The following TEX11 variants were observed in gnomAD, a reference collection of about 807,000 sequenced individuals.
TEX11 encodes testis expressed 11.
In TEX11, 7 loss-of-function variants were observed where a neutral mutation model predicts 84.4. The ratio of observed to expected loss-of-function variants is 0.08; its 90% CI spans 0.05 to 0.16. The LOEUF is 0.16. Among genes scored for constraint, TEX11 ranks in the 10% least tolerant of loss-of-function variants. The pLI is 1.00. For synonymous variants in TEX11, 264 were observed against 222.8 expected, an observed-to-expected ratio of 1.18 and a Z score of -1.64; for missense variants, 551 against 660.5, an observed-to-expected ratio of 0.83 and a Z score of 1.82.
chrX:70,795,818 A>T (rs939562044), intron 9 of TEX11, among the ~76,000 whole-genome samples: 1 of 111,524 alleles, frequency 9.0e-6, no homozygotes, highest in African/African-American at 3.3e-5. Context: ...GGCTGCTGTG[A>T]CCAAAAACAT....
chrX:70,724,635 A>G (rs2090585674), intron 12 of TEX11, among the ~76,000 whole-genome samples: 1 of 111,456 alleles, frequency 9.0e-6, no homozygotes, highest in Non-Finnish European at 1.9e-5. Context: ...GCATCTATAT[A>G]GTAGTAATAA....
chrX:70,732,091 C>T (rs770857712), intron 11 of TEX11, among the ~76,000 whole-genome samples: 140 of 111,553 alleles, frequency 1.3e-3, no homozygotes, highest in South Asian at 3.4e-3. Context: ...AGGCCTTTGA[C>T]AAAATTCAAC....
chrX:70,800,685 T>C (rs1238978224), intron 9 of TEX11, among the ~76,000 whole-genome samples: 2 of 67,875 alleles, frequency 2.9e-5, no homozygotes, highest in Non-Finnish European at 5.2e-5. Flanking sequence ...CTATTTCATG[T>C]GCTTTTTTTT....
chrX:70,589,976 G>T (rs1370987672), intron 25 of TEX11, among the ~76,000 whole-genome samples: 1 of 112,079 alleles, frequency 8.9e-6, no homozygotes, highest in African/African-American at 3.2e-5. Flanking sequence ...TCAAAAGAAT[G>T]ATTCCAATGT....
At chrX:70,523,403 G>A in the TEX11 span, among the ~76,000 whole-genome samples, 4 of 111,627 alleles carry the variant, frequency 3.6e-5, no homozygotes, top group Non-Finnish European at 7.5e-5. Flanking sequence ...TCGCTAAACT[G>A]GTGTTTGTAA....
chrX:70,620,907 G>A (rs1323098434), intron 20 of TEX11, among the ~76,000 whole-genome samples: 1 of 111,677 alleles, frequency 9.0e-6, no homozygotes, highest in African/African-American at 3.3e-5. Context: ...GACAGTAAGG[G>A]GTTGATGAAG....
At chrX:70,514,990 C>T in the TEX11 span, among the ~76,000 whole-genome samples, 14 of 109,755 alleles carry the variant, frequency 1.3e-4, no homozygotes, top group East Asian at 3.7e-3. Flanking sequence ...ATCACTTGAA[C>T]CTGGGAAGCA....
chrX:70,745,851 CAT>C (rs933461335), intron 9 of TEX11, among the ~76,000 whole-genome samples: 6 of 111,910 alleles, frequency 5.4e-5, no homozygotes, highest in Non-Finnish European at 9.4e-5. Flanking sequence ...AGCCCTATTT[CAT>C]AGAGGTCTCC....
At chrX:70,817,806 GA>G (rs1287578672) in intron 8 of TEX11, among the ~76,000 whole-genome samples, 6 of 109,442 alleles carry the variant, frequency 5.5e-5, no homozygotes, top group South Asian at 7.9e-4. Context: ...AAAAAGAAAG[GA>G]AAAAAAAGGA....
chrX:70,522,050 G>C, the TEX11 span, among the ~76,000 whole-genome samples: 2 of 111,250 alleles, frequency 1.8e-5, no homozygotes, highest in Non-Finnish European at 3.8e-5. Context: ...TGTAGAGACT[G>C]GGTTTCACCA....
rs772093399 is a variant in TEX11 at position 70,607,036 on chromosome X, A to G, written c.1880-7T>C. ...TGCACAGCCAAGTTCCAAGCTGGAA[A>G]TTAACATGAAATAACATAATAATAT... On this transcript the variant is annotated splice_polypyrimidine_tract_variant and splice_region_variant and intron_variant, in intron 22 of 29. Coordinates refer to ENST00000374333, the MANE Select transcript of TEX11 (RefSeq NM_031276.3). 6.0e-6 allele frequency: 7 copies of G among 1,173,712 alleles called. No individual in the cohort carries two copies. Among genetic ancestry groups the G allele is most frequent in the South Asian group, 3.8e-5 (2 of 52,725 alleles).
intron 28 of TEX11, among the ~76,000 whole-genome samples, chrX:70,544,469 G>A (rs781021821): frequency 3.6e-5 from 4 of 111,572 alleles, no homozygotes; most frequent in African/African-American, 3.3e-5. Context: ...CAAAGCTGTA[G>A]TGAGCTGAGA....
intron 14 of TEX11, among the ~76,000 whole-genome samples, 175 bp from the exon 15 acceptor site, chrX:70,679,064 G>T (rs1380019355): frequency 2.7e-5 from 3 of 112,465 alleles, no homozygotes; most frequent in Non-Finnish European, 5.6e-5. Context: ...TCAGCCTGCC[G>T]ACTGCCTGCG....
intron 9 of TEX11, among the ~76,000 whole-genome samples, chrX:70,804,320 A>G (rs1427243343): frequency 8.9e-6 from 1 of 112,489 alleles, no homozygotes; most frequent in South Asian, 3.7e-4. Flanking sequence ...AAGGTCTTAG[A>G]TGACAACAAA....
intron 9 of TEX11, among the ~76,000 whole-genome samples, chrX:70,780,243 C>T (rs1171390309): frequency 8.9e-6 from 1 of 112,015 alleles, no homozygotes; most frequent in Non-Finnish European, 1.9e-5. Flanking sequence ...CACTGCACTC[C>T]AGCCTGGGTG....
At chrX:70,612,125 G>A (rs1212073853) in intron 20 of TEX11, among the ~76,000 whole-genome samples, 1 of 109,124 alleles carries the variant, frequency 9.2e-6, no homozygotes, top group African/African-American at 3.3e-5. Flanking sequence ...GTGACAGAAC[G>A]AGACACCATC....
intron 8 of TEX11, among the ~76,000 whole-genome samples, chrX:70,832,365 T>C (rs1432483089): frequency 2.7e-5 from 3 of 112,167 alleles, no homozygotes; most frequent in Non-Finnish European, 5.6e-5. Context: ...TAGAACATTA[T>C]TGGAAAATTT....
chrX:70,638,280 A>T (rs1014517193), intron 17 of TEX11, among the ~76,000 whole-genome samples: 7 of 111,582 alleles, frequency 6.3e-5, no homozygotes, highest in Non-Finnish European at 1.3e-4. Context: ...GAGTTCCAAT[A>T]AAGCTAGCAG....
At chrX:70,657,577 C>T (rs2089881711) in intron 16 of TEX11, among the ~76,000 whole-genome samples, 1 of 110,230 alleles carries the variant, frequency 9.1e-6, no homozygotes, top group African/African-American at 3.3e-5. Flanking sequence ...TAAAAATGAG[C>T]TAAACACATT....
Sources: allele counts gnomAD v4.1 joint callset (sites outside exome capture counted in the v4.1 genomes callset), GRCh38; gene constraint gnomAD v4.1.1; transcripts MANE v1.5; gene names NCBI Gene and HGNC (gene_info 2026-07-23, HGNC 2026-07-21).